The following TRPM1 variants were observed in gnomAD, a reference collection of about 807,000 sequenced individuals.
TRPM1 encodes the protein TRPM1-203 APA Isoform, Intron 10.
In TRPM1, 113 loss-of-function variants were observed where a neutral mutation model predicts 149.4. The ratio of observed to expected loss-of-function variants is 0.76; its 90% CI spans 0.65 to 0.88. TRPM1 has a LOEUF of 0.88. Ranked by LOEUF, TRPM1 falls within the 40% of genes least tolerant of loss-of-function variation. The probability of loss-of-function intolerance (pLI) is 0.00; values close to 1 mark genes in which losing one functional copy is unlikely to be tolerated. For synonymous variants in TRPM1, 741 were observed against 759.5 expected, an observed-to-expected ratio of 0.98 and a Z score of 0.40; for missense variants, 1,976 against 2,038.7, an observed-to-expected ratio of 0.97 and a Z score of 0.59.
chr15:31,149,799 G>T (rs972749003), intron 1 of TRPM1, among the ~76,000 whole-genome samples: 4 of 152,214 alleles, frequency 2.6e-5, no homozygotes, highest in Non-Finnish European at 4.4e-5. Flanking sequence ...GATTACAGGC[G>T]TGAGCCACGG....
At chr15:31,130,408 GT>G (rs1396599122) in intron 1 of TRPM1, among the ~76,000 whole-genome samples, 1 of 152,178 alleles carries the variant, frequency 6.6e-6, no homozygotes, top group East Asian at 1.9e-4. Context: ...GAGGAACTTA[GT>G]TTATAGTTTA....
intron 22 of TRPM1, among the ~76,000 whole-genome samples, chr15:31,031,671 G>C (rs2033087159): frequency 6.6e-6 from 1 of 152,186 alleles, no homozygotes; most frequent in Non-Finnish European, 1.5e-5. Flanking sequence ...GCCCTTGCTG[G>C]AATTTACTAA....
intron 1 of TRPM1, among the ~76,000 whole-genome samples, chr15:31,107,937 A>G (rs534460062): frequency 6.6e-6 from 1 of 151,374 alleles, no homozygotes; most frequent in South Asian, 2.1e-4. Flanking sequence ...AGCTCACTGC[A>G]ACCTCTGCCT....
intron 13 of TRPM1, among the ~76,000 whole-genome samples, chr15:31,048,311 G>C (rs1033664243): frequency 6.6e-6 from 1 of 152,026 alleles, no homozygotes. Flanking sequence ...TGAACTCTTC[G>C]AGCAAAATCC....
intron 1 of TRPM1, among the ~76,000 whole-genome samples, chr15:31,093,595 G>GTT (rs373482536): frequency 6.8e-6 from 1 of 146,990 alleles, no homozygotes; most frequent in East Asian, 2.0e-4. Context: ...GAGCAATCTG[G>GTT]TTTTTTTTTT....
At position 31,060,621 on chromosome 15, in the gene TRPM1, G is replaced by A. The variant is rs192880935; in HGVS notation, c.1186C>T (p.Gln396Ter). 3 of 1,614,224 alleles carry A rather than the reference G, an allele frequency of 1.9e-6. No individual in the cohort carries two copies. The highest frequency in any genetic ancestry group is 2.2e-5 in the East Asian group (1 of 44,892). ...LKGTNVSAPD[Q>*]LSLALAWNRV... ...TTCCAAGCCAGTGCCAAGCTCAGCT[G>A]ATCTGGAGCAGATACGTTTGTTCCT... Residue 396 changes from glutamine to a stop codon, truncating the protein, a stop_gained, in exon 11 of 28, where the codon CAG becomes TAG. Coordinates refer to ENST00000256552, the MANE Select transcript of TRPM1 (RefSeq NM_001252024.2). LOFTEE classifies it high-confidence loss of function.
intron 16 of TRPM1, among the ~76,000 whole-genome samples, chr15:31,044,931 G>A (rs183142361): frequency 6.6e-6 from 1 of 152,128 alleles, no homozygotes; most frequent in Non-Finnish European, 1.5e-5. Flanking sequence ...AACTATAAAT[G>A]ACCAAAGTTG....
intron 1 of TRPM1, among the ~76,000 whole-genome samples, chr15:31,090,550 TC>T (rs1234827287): frequency 8.6e-5 from 13 of 151,798 alleles, no homozygotes; most frequent in Non-Finnish European, 1.3e-4. Context: ...GGCAGGAGAA[TC>T]ACCTGAACCT....
In TRPM1 at chr15:31,099,326, G is replaced by C. The variant is rs1474755295; in HGVS notation, c.-84+2331C>G. Among the ~76,000 whole-genome samples the C allele has an allele frequency of 9.4e-4, 143 of 152,182 alleles. 1 individual carries two copies. The highest frequency in any genetic ancestry group is 5.9e-5 in the Non-Finnish European group (4 of 67,998). ...TAATCTCTAGGTCATGGAAGGCTTGGGGGTATTGTGTCCTCTTATTCTCCT... is the reference window on the plus strand; with the variant it reads ...TAATCTCTAGGTCATGGAAGGCTTGCGGGTATTGTGTCCTCTTATTCTCCT... On this transcript the variant is annotated intron_variant, in intron 1 of 27. Coordinates refer to ENST00000256552, the MANE Select transcript of TRPM1 (RefSeq NM_001252024.2).
At chr15:31,108,962 C>A (rs1471776581) in intron 1 of TRPM1, among the ~76,000 whole-genome samples, 1 of 152,158 alleles carries the variant, frequency 6.6e-6, no homozygotes, top group Admixed American at 6.5e-5. Context: ...TTGAATTTAT[C>A]ATTGAGATCA....
chr15:31,057,830 G>A (rs766077038), intron 11 of TRPM1, among the ~76,000 whole-genome samples: 3 of 152,178 alleles, frequency 2.0e-5, no homozygotes, highest in East Asian at 1.9e-4. Flanking sequence ...TTTCCCCCAC[G>A]CTGTTCTCAT....
chr15:31,020,828 T>G (rs1241137611), intron 27 of TRPM1, among the ~76,000 whole-genome samples: 1 of 152,162 alleles, frequency 6.6e-6, no homozygotes, highest in Non-Finnish European at 1.5e-5. Flanking sequence ...GGTCTTCTGG[T>G]AGGCTTAGCG....
chr15:31,030,912 T>C, intron 23 of TRPM1, 71 bp downstream of exon 23: 6 of 1,552,236 alleles, frequency 3.9e-6, no homozygotes, highest in Non-Finnish European at 5.3e-6. Flanking sequence ...TACATGTTCT[T>C]CCATTAATTT....
intron 3 of TRPM1, among the ~76,000 whole-genome samples, chr15:31,070,798 G>A (rs183920428): frequency 1.4e-3 from 212 of 152,226 alleles, no homozygotes; most frequent in African/African-American, 4.8e-3. Context: ...CAAGCAATCC[G>A]CCTGCCTTGG....
intron 16 of TRPM1, among the ~76,000 whole-genome samples, chr15:31,042,832 G>A (rs1306071834): frequency 6.6e-6 from 1 of 152,234 alleles, no homozygotes; most frequent in Non-Finnish European, 1.5e-5. Flanking sequence ...AAGGGGTTAT[G>A]AGAACTGTTC....
rs763967545 is a variant in TRPM1 at position 31,038,109 on chromosome 15, C to T, written c.2374G>A (p.Asp792Asn). The T allele has an allele frequency of 1.2e-5, 20 of 1,613,986 alleles. No individual in the cohort carries two copies. The highest frequency in any genetic ancestry group is 1.7e-5 in the Non-Finnish European group (20 of 1,179,980). ...TTGGATGTTTGATACGAGAAATCATCATATGTGCGAAATTCCAAAAACAAG... is the reference window on the plus strand; with the variant it reads ...TTGGATGTTTGATACGAGAAATCATTATATGTGCGAAATTCCAAAAACAAG... ...TILFLEFRTY[D>N]DFSYQTSKEN... The change falls in exon 19 of 28, where the codon GAT (aspartate) becomes AAT (asparagine). Residue 792 changes from aspartate to asparagine, a missense_variant. Asp to Asn is a conservative substitution (Grantham distance 23). Coordinates refer to ENST00000256552, the MANE Select transcript of TRPM1 (RefSeq NM_001252024.2).
chr15:31,089,591 A>T (rs1025830536), intron 1 of TRPM1, among the ~76,000 whole-genome samples: 15 of 152,168 alleles, frequency 9.9e-5, no homozygotes, highest in African/African-American at 3.4e-4. Flanking sequence ...CTGTAACTCG[A>T]GGAGGCCCAG....
chr15:31,112,434 T>C (rs6493461), intron 1 of TRPM1, among the ~76,000 whole-genome samples: 101,646 of 151,994 alleles, frequency 0.67, 34,136 homozygotes, highest in East Asian at 0.75. Context: ...GCCGAGATCG[T>C]GCCACTGCAC....
chr15:31,031,216 G>C, intron 22 of TRPM1, 59 bp from the exon 23 acceptor site: 1 of 1,590,936 alleles, frequency 6.3e-7, no homozygotes, highest in Non-Finnish European at 8.6e-7. Flanking sequence ...GTTCACCCTG[G>C]CTCATTATAT....
Sources: gnomAD v4.1 joint callset for allele counts (sites outside exome capture counted in the v4.1 genomes callset) on GRCh38, gnomAD v4.1.1 for gene constraint, MANE v1.5 for transcripts, NCBI Gene and HGNC (gene_info 2026-07-23, HGNC 2026-07-21) for gene names.